The following TNRC18 variants were observed in gnomAD, a reference collection of about 807,000 sequenced individuals.
TNRC18 encodes the protein trinucleotide repeat-containing gene 18 protein.
In TNRC18, 69 loss-of-function variants were observed where a neutral mutation model predicts 226.7. The ratio of observed to expected loss-of-function variants is 0.30; its 90% CI spans 0.25 to 0.37. The LOEUF (loss-of-function observed/expected upper bound fraction) is 0.37. TNRC18 is among the 10% of genes least tolerant of loss of function. TNRC18 has a pLI of 1.00. For synonymous variants in TNRC18, 2,449 were observed against 1,927.6 expected, an observed-to-expected ratio of 1.27 and a Z score of -7.09; for missense variants, 4,754 against 4,256.6, an observed-to-expected ratio of 1.12 and a Z score of -3.25.
chr7:5,387,229 C>G (rs988367039), intron 5 of TNRC18, among the ~76,000 whole-genome samples: 1 of 152,236 alleles, frequency 6.6e-6, no homozygotes, highest in Non-Finnish European at 1.5e-5. Context: ...CAGTTTCTGT[C>G]TGTTCCTCAC....
rs1562477585 is a variant in TNRC18 at position 5,313,016 on chromosome 7, G to A, written c.7875C>T (p.Ser2625=). The change falls in exon 27 of 30, where the codon TCC becomes TCT. Residue 2625 remains serine, a synonymous_variant. Coordinates refer to ENST00000430969, the MANE Select transcript of TNRC18 (RefSeq NM_001080495.3). The part of the protein sequence containing the change: ...SSSSSSSSSS[S]SSSSSSSSSS... ...AGGAAGAGGAGGATGAGGAGGAGGA[G>A]GAGGAGGAGGAGGAGGATGAGGAGG... 1.2e-6 allele frequency: 1 copy of A among 855,226 alleles called. No homozygotes were observed. The highest frequency in any genetic ancestry group is 1.9e-6 in the Non-Finnish European group (1 of 534,514). The allele number at this position is 855,226 out of a possible 1,614,324, so 53.0% of individuals were successfully genotyped here.
chr7:5,325,307 C>A (rs1306547206), intron 19 of TNRC18, 59 bp from the exon 20 acceptor site: 2 of 1,521,172 alleles, frequency 1.3e-6, no homozygotes, highest in African/African-American at 1.4e-5. Context: ...CAGGCAGCAC[C>A]CCTGTCCCCC....
rs756560230 is a variant in TNRC18 at position 5,377,890 on chromosome 7, C to G, written c.2255+32G>C. 8 of 1,606,858 alleles carry G rather than the reference C, an allele frequency of 5.0e-6. No homozygotes were observed. The highest frequency in any genetic ancestry group is 6.8e-6 in the Non-Finnish European group (8 of 1,174,086). ...CACCCCCAGGGGCTCCTAGATACCCCCTAGACCCTCAGGATCCCCCGACAC... is the reference window on the plus strand; with the variant it reads ...CACCCCCAGGGGCTCCTAGATACCCGCTAGACCCTCAGGATCCCCCGACAC... On this transcript the variant is annotated intron_variant, in intron 6 of 29. Coordinates refer to ENST00000430969, the MANE Select transcript of TNRC18 (RefSeq NM_001080495.3). The surrounding 1 kb of genome is among the most constrained non-coding windows in gnomAD (Gnocchi z 5.8).
At position 5,374,497 on chromosome 7, in the gene TNRC18, C is replaced by G; in HGVS notation, c.2800-13G>C. ...TCAACCGCTCCTGCTGGGAAGGGGC[C>G]GGCAGGCAGGGTCAGCACGGCACGA... On this transcript the variant is annotated splice_polypyrimidine_tract_variant and intron_variant, in intron 9 of 29. Coordinates refer to ENST00000430969, the MANE Select transcript of TNRC18 (RefSeq NM_001080495.3). 6.5e-7 allele frequency: 1 copy of G among 1,541,474 alleles called. No individual in the cohort carries two copies. Among genetic ancestry groups the G allele is most frequent in the Non-Finnish European group, 8.7e-7 (1 of 1,143,360 alleles).
chr7:5,357,380 C>T, intron 15 of TNRC18, 104 bp from the exon 16 acceptor site: 1 of 1,274,788 alleles, frequency 7.8e-7, no homozygotes, highest in South Asian at 1.5e-5. Flanking sequence ...CTTCACCTGC[C>T]TCTGTGATTT....
chr7:5,422,254 T>C (rs931374092), intron 1 of TNRC18, among the ~76,000 whole-genome samples: 3 of 152,138 alleles, frequency 2.0e-5, no homozygotes, highest in South Asian at 2.1e-4. Context: ...CCCGAGGACC[T>C]GGCCTGGCGT....
At position 5,417,856 on chromosome 7, in the gene TNRC18, T is replaced by TGA. The variant is rs1346633175; in HGVS notation, c.187+3203_187+3204insTC. 3.9e-5 allele frequency among the ~76,000 whole-genome samples: 6 copies of TGA among 152,302 alleles called. No homozygotes were observed. In the East Asian group the frequency reaches 1.2e-3, roughly 29 times the overall value. On this transcript the variant is annotated intron_variant, in intron 2 of 29. Transcript: ENST00000430969. ...TGCCAGCGGTCTTCACTGATTAATC[T>TGA]TTCTAAATCAATCCCAGTAGGCTGA...
intron 18 of TNRC18, among the ~76,000 whole-genome samples, chr7:5,334,768 CA>C (rs773316773): frequency 1.3e-5 from 2 of 152,086 alleles, no homozygotes; most frequent in Admixed American, 6.6e-5. Context: ...CGTAATCCTT[CA>C]CAGGCCCATT....
chr7:5,335,050 C>G (rs895969404), intron 18 of TNRC18, among the ~76,000 whole-genome samples: 1 of 149,066 alleles, frequency 6.7e-6, no homozygotes, highest in Non-Finnish European at 1.5e-5. Context: ...AACTGTAATC[C>G]CAGCCCTTTG....
chr7:5,413,387 C>T (rs1781963426), intron 2 of TNRC18, among the ~76,000 whole-genome samples: 1 of 152,178 alleles, frequency 6.6e-6, no homozygotes, highest in Admixed American at 6.5e-5. Context: ...CCTCCTCTCC[C>T]CATCCGTCTT....
Position 5,308,266 on chromosome 7 carries a change from G to A in TNRC18, c.8747C>T (p.Thr2916Met). The A allele has an allele frequency of 6.2e-7, 1 of 1,613,154 alleles. No individual in the cohort carries two copies. The highest frequency in any genetic ancestry group is 8.5e-7 in the Non-Finnish European group (1 of 1,179,556). The change falls in exon 30 of 30, where the codon ACG (threonine) becomes ATG (methionine). Residue 2916 changes from threonine (T) to methionine (M), a missense_variant. Thr to Met is a moderately conservative substitution (Grantham distance 81). Coordinates refer to ENST00000430969, the MANE Select transcript of TNRC18 (RefSeq NM_001080495.3). Reference sequence around the variant, plus strand: ...CACCACCAGGCACTTGTGCGACACCGTCTGCACGTCATTTTCGTCCACATG... The same window carrying A: ...CACCACCAGGCACTTGTGCGACACCATCTGCACGTCATTTTCGTCCACATG... ...SSHVDENDVQ[T>M]VSHKCLVVGL...
At chr7:5,326,038 T>C (rs773513124) in intron 19 of TNRC18, among the ~76,000 whole-genome samples, 2 of 152,056 alleles carry the variant, frequency 1.3e-5, no homozygotes, top group African/African-American at 4.8e-5. Context: ...ATTATCTTAT[T>C]ACTAGTATAT....
rs760375574 is a variant in TNRC18, at chr7:5,356,983, G to T, written c.5127C>A (p.Phe1709Leu). ...AAKTRKMEVG[F>L]KARGQPKSAH... ...CCGACTTGGGCTGGCCTCTGGCCTT[G>T]AACCCCACCTCCATCTTCCTGGTTT... The change falls in exon 16 of 30, where the codon TTC (phenylalanine) becomes TTA (leucine). Residue 1709 changes from phenylalanine (F) to leucine (L), a missense_variant. Physicochemically the swap from Phe to Leu is conservative, Grantham distance 22. Transcript: ENST00000430969. 2 of 1,552,214 alleles carry T rather than the reference G, an allele frequency of 1.3e-6. No homozygotes were observed. The highest frequency in any genetic ancestry group is 1.2e-5 in the South Asian group (1 of 84,046).
intron 22 of TNRC18, among the ~76,000 whole-genome samples, chr7:5,320,826 G>A (rs958626424): frequency 2.0e-5 from 3 of 152,232 alleles, no homozygotes; most frequent in Non-Finnish European, 4.4e-5. Flanking sequence ...TCCTGAGAGA[G>A]GCCAGCACGC....
At position 5,421,186 on chromosome 7, in the gene TNRC18, A is replaced by C. The variant is rs1427146114; in HGVS notation, c.61T>G (p.Ser21Ala). The change falls in exon 2 of 30, where the codon TCC becomes GCC. Residue 21 changes from serine (S) to alanine (A), a missense_variant. Ser to Ala is a moderately conservative substitution (Grantham distance 99). Coordinates refer to ENST00000430969, the MANE Select transcript of TNRC18 (RefSeq NM_001080495.3). ...CGGTGGCTGTCCATGGCCAGGCCGG[A>C]CAGCAGCGGCGGCGGGGGACCGTGC... Reference protein sequence around the residue: ...SVHGPPPPLLSGLAMDSHRVG... With the variant: ...SVHGPPPPLLAGLAMDSHRVG... 1 of 1,383,412 alleles carries C rather than the reference A, an allele frequency of 7.2e-7. No individual in the cohort carries two copies. Among genetic ancestry groups the C allele is most frequent in the Non-Finnish European group, 9.4e-7 (1 of 1,065,912 alleles). The allele number at this position is 1,383,412 out of a possible 1,614,324, so 85.7% of individuals were successfully genotyped here.
chr7:5,317,778 T>TC (rs1788000139), intron 24 of TNRC18, among the ~76,000 whole-genome samples: 1 of 151,114 alleles, frequency 6.6e-6, no homozygotes, highest in Non-Finnish European at 1.5e-5. Context: ...CAATCATAGC[T>TC]CACTGCAGCC....
chr7:5,371,359 G>A lies in TNRC18; in HGVS notation c.3235C>T (p.Pro1079Ser). The change falls in exon 11 of 30, where the codon CCG becomes TCG. Residue 1079 changes from proline (P) to serine (S), a missense_variant. By Grantham distance (74) the Pro-to-Ser change is moderately conservative. Coordinates refer to ENST00000430969, the MANE Select transcript of TNRC18 (RefSeq NM_001080495.3). ...SPFQALFSDI[P>S]PRYPFQALPP... ...AGGGCTTGGAACGGGTACCTGGGCG[G>A]GATATCTGCCAAGGACACAGGGGTC... 8.0e-6 allele frequency: 12 copies of A among 1,507,578 alleles called. No homozygotes were observed. Among genetic ancestry groups the A allele is most frequent in the Non-Finnish European group, 1.1e-5 (12 of 1,134,586 alleles). The allele number at this position is 1,507,578 out of a possible 1,614,324, so 93.4% of individuals were successfully genotyped here.
chr7:5,362,782 C>G lies in TNRC18; in HGVS notation c.4263G>C (p.Leu1421=), dbSNP rs745618409. ...TCAGCATGTGGCTGCCAGCTGCCAG[C>G]AGACTCTCCAGGGAGGGCCGCGCCA... ...ALVARPSLES[L]LAAGSHMLRE... Residue 1421 remains leucine (L), a synonymous_variant, in exon 12 of 30, where the codon CTG becomes CTC. Coordinates refer to ENST00000430969, the MANE Select transcript of TNRC18 (RefSeq NM_001080495.3). The G allele has an allele frequency of 7.0e-6, 11 of 1,572,158 alleles. No homozygotes were observed. The South Asian group carries it at 1.2e-4, about 17-fold the overall frequency.
At chr7:5,419,311 C>T (rs1309183192) in intron 2 of TNRC18, among the ~76,000 whole-genome samples, 1 of 152,242 alleles carries the variant, frequency 6.6e-6, no homozygotes, top group African/African-American at 2.4e-5. Context: ...AGCCAGATCG[C>T]AGGCGGGGAG....
Sources: allele counts gnomAD v4.1 joint callset (sites outside exome capture counted in the v4.1 genomes callset), GRCh38; gene constraint gnomAD v4.1.1; non-coding constraint Gnocchi (gnomAD v3.1); transcripts MANE v1.5; gene names NCBI Gene and HGNC (gene_info 2026-07-23, HGNC 2026-07-21).